Variants in ARHGEF4 observed in about 807,000 individuals in gnomAD.
The protein encoded by ARHGEF4 is APC-stimulated guanine nucleotide exchange factor 1.
In ARHGEF4, 119 loss-of-function variants were observed where a neutral mutation model predicts 162.0. The observed-to-expected ratio is 0.73, with a 90% confidence interval of 0.63 to 0.86. The LOEUF (loss-of-function observed/expected upper bound fraction) is 0.86, where lower values mean the gene tolerates loss of function less well. Among genes scored for constraint, ARHGEF4 ranks in the 40% least tolerant of loss-of-function variants. ARHGEF4 has a pLI of 0.00. For missense variants in ARHGEF4, 2,488 were observed against 2,456.0 expected (o/e 1.01, Z -0.28); for synonymous variants, 1,014 against 979.9 (o/e 1.03, Z -0.65).
At chr2:131,009,203 A>T (rs1688304718) in intron 4 of ARHGEF4, among the ~76,000 whole-genome samples, 1 of 152,162 alleles carries the variant, frequency 6.6e-6, no homozygotes, top group African/African-American at 2.4e-5. Flanking sequence ...TTTTCTGAAG[A>T]TGTATTTATT....
intron 1 of ARHGEF4, among the ~76,000 whole-genome samples, chr2:130,873,059 C>T (rs887289888): frequency 1.3e-5 from 2 of 152,230 alleles, no homozygotes; most frequent in Admixed American, 6.5e-5. Flanking sequence ...TGCTCTTTTG[C>T]TGCCTTCCCC....
chr2:131,024,859 T>C (rs1353588286), intron 4 of ARHGEF4, among the ~76,000 whole-genome samples: 1 of 152,202 alleles, frequency 6.6e-6, no homozygotes, highest in African/African-American at 2.4e-5. Flanking sequence ...CAACGTTCCT[T>C]ATACTATTTT....
At chr2:130,841,928 C>T (rs192789141) in intron 1 of ARHGEF4, among the ~76,000 whole-genome samples, 18 of 152,350 alleles carry the variant, frequency 1.2e-4, no homozygotes, top group Admixed American at 1.0e-3. Flanking sequence ...GCACCTGCAG[C>T]AGTACATTGC....
chr2:130,883,275 T>G (rs1389321510), intron 1 of ARHGEF4, among the ~76,000 whole-genome samples: 1 of 151,978 alleles, frequency 6.6e-6, no homozygotes, highest in African/African-American at 2.4e-5. Flanking sequence ...TGCCAGGCCG[T>G]TTTCCTGCTT....
chr2:130,952,322 A>T (rs1164392040), intron 4 of ARHGEF4, among the ~76,000 whole-genome samples: 2 of 151,986 alleles, frequency 1.3e-5, no homozygotes, highest in Non-Finnish European at 2.9e-5. Flanking sequence ...TTTCTTTTTT[A>T]AAAAAAATCT....
At chr2:130,839,948 T>G (rs1235703047) in intron 1 of ARHGEF4, among the ~76,000 whole-genome samples, 1 of 152,154 alleles carries the variant, frequency 6.6e-6, no homozygotes, top group Non-Finnish European at 1.5e-5. Context: ...AAGACCCACA[T>G]GAGGTCATCA....
At chr2:130,983,588 TA>T (rs1376995356) in intron 4 of ARHGEF4, among the ~76,000 whole-genome samples, 2 of 152,192 alleles carry the variant, frequency 1.3e-5, no homozygotes, top group Non-Finnish European at 2.9e-5. Context: ...AACTTGAAAA[TA>T]GCTTGGACTT....
At chr2:131,036,051 G>A (rs1229785044) in intron 5 of ARHGEF4, among the ~76,000 whole-genome samples, 3 of 152,204 alleles carry the variant, frequency 2.0e-5, no homozygotes, top group Admixed American at 6.5e-5. Context: ...TGTGTCTCAA[G>A]AGTCAGTCTC....
chr2:130,881,457 T>TA (rs74512327), intron 1 of ARHGEF4, among the ~76,000 whole-genome samples: 3,174 of 152,250 alleles, frequency 0.021, 93 homozygotes, highest in East Asian at 0.12. Flanking sequence ...CTTCAAGGGC[T>TA]AAGGAGTGTG....
chr2:130,854,476 G>A (rs1407150552), intron 1 of ARHGEF4, among the ~76,000 whole-genome samples: 4 of 152,208 alleles, frequency 2.6e-5, no homozygotes, highest in African/African-American at 9.7e-5. Flanking sequence ...TGCTTTGGCT[G>A]CACCCCAGGA....
intron 1 of ARHGEF4, among the ~76,000 whole-genome samples, chr2:130,874,478 A>G (rs1440719906): frequency 6.6e-6 from 1 of 152,212 alleles, no homozygotes; most frequent in Non-Finnish European, 1.5e-5. Flanking sequence ...TCTTTCTTAC[A>G]TGACAAATAA....
In ARHGEF4 at chr2:131,007,800, CTTTTTTTTTTTTTTTTTT is replaced by C. The variant is rs70994731; in HGVS notation, c.3986-20134_3986-20117del. Among the ~76,000 whole-genome samples the C allele has an allele frequency of 1.3e-4, 7 of 55,914 alleles. No individual in the cohort carries two copies. In the South Asian group the frequency reaches 5.0e-3, roughly 40 times the overall value. 36.7% of individuals were successfully genotyped at this position (55,914 alleles called of 152,430 possible). On this transcript the variant is annotated intron_variant, in intron 4 of 13. Transcript: ENST00000409359. ...TAAAGCTAAATTATTCTTTTCTTTT[CTTTTTTTTTTTTTTTTTT>C]TTTTTTTTTTGGAGACAGAGTCTCG...
At chr2:130,876,378 A>G (rs998502981) in intron 1 of ARHGEF4, among the ~76,000 whole-genome samples, 14 of 152,146 alleles carry the variant, frequency 9.2e-5, no homozygotes, top group African/African-American at 2.7e-4. Flanking sequence ...TGTGCTAGGT[A>G]CTTTGTATGA....
At chr2:130,927,572 T>G (rs765365529) in intron 2 of ARHGEF4, among the ~76,000 whole-genome samples, 1 of 152,224 alleles carries the variant, frequency 6.6e-6, no homozygotes, top group Admixed American at 6.5e-5. Flanking sequence ...CTAAAAGTTT[T>G]CTGTCTTGCT....
Position 131,043,523 on chromosome 2 carries a change from A to G in ARHGEF4, c.5097A>G (p.Gln1699=). 6.2e-7 allele frequency: 1 copy of G among 1,614,136 alleles called. No individual in the cohort carries two copies. Among genetic ancestry groups the G allele is most frequent in the Non-Finnish European group, 8.5e-7 (1 of 1,180,024 alleles). ...SGELTRVTQP[Q]AKSQQRMFFL... is the part of the protein sequence containing the mutation. ...AGCTGACTCGAGTTACACAGCCTCAAGCCAAAAGCCAGCAGCGAATGTTCT... is the reference window on the plus strand; with the variant it reads ...AGCTGACTCGAGTTACACAGCCTCAGGCCAAAAGCCAGCAGCGAATGTTCT... The change falls in exon 11 of 14, where the codon CAA becomes CAG. Residue 1699 remains glutamine, a synonymous_variant. Transcript: ENST00000409359.
chr2:130,912,494 C>T (rs1681245455), intron 1 of ARHGEF4, among the ~76,000 whole-genome samples: 1 of 152,222 alleles, frequency 6.6e-6, no homozygotes, highest in Non-Finnish European at 1.5e-5. Context: ...AGAGCACTGG[C>T]TTTGGTGTGT....
intron 4 of ARHGEF4, among the ~76,000 whole-genome samples, chr2:130,991,544 C>T (rs900278578): frequency 6.6e-6 from 1 of 152,196 alleles, no homozygotes; most frequent in African/African-American, 2.4e-5. Flanking sequence ...TCGGAGCAGC[C>T]GGCCGGCCCT....
intron 1 of ARHGEF4, among the ~76,000 whole-genome samples, chr2:130,866,719 A>G (rs1286409352): frequency 6.6e-6 from 1 of 152,236 alleles, no homozygotes; most frequent in East Asian, 1.9e-4. Flanking sequence ...TACCTGGGAT[A>G]AATTCCACTT....
rs191367809 is a variant in ARHGEF4 at position 130,918,647 on chromosome 2, C to T, written c.3552+1149C>T. Among the ~76,000 whole-genome samples the T allele has an allele frequency of 5.3e-5, 8 of 152,324 alleles. No homozygotes were observed. The East Asian group carries it at 1.5e-3, about 29-fold the overall frequency. ...CAGATAAGGTGCTGGCAGAGCGCCTCCAGGCCAGGTGGGCTGCTAAGAGGG... is the reference window on the plus strand; with the variant it reads ...CAGATAAGGTGCTGGCAGAGCGCCTTCAGGCCAGGTGGGCTGCTAAGAGGG... On this transcript the variant is annotated intron_variant, in intron 2 of 13. Coordinates refer to ENST00000409359, the MANE Select transcript of ARHGEF4 (RefSeq NM_001367493.1).
Sources: gnomAD v4.1 joint callset for allele counts (sites outside exome capture counted in the v4.1 genomes callset) on GRCh38, gnomAD v4.1.1 for gene constraint, MANE v1.5 for transcripts, NCBI Gene and HGNC (gene_info 2026-07-23, HGNC 2026-07-21) for gene names.